ATG10: variants seen among roughly 807,000 people sequenced by gnomAD.
ATG10 encodes the protein ubiquitin-like-conjugating enzyme ATG10.
In ATG10, 30 loss-of-function variants were observed where a neutral mutation model predicts 32.1. That is an observed-to-expected ratio of 0.94 (90% CI 0.70 to 1.27). The LOEUF is 1.27. Among genes scored for constraint, ATG10 ranks in the 50% most tolerant of loss-of-function variants. The pLI is 0.00. For missense variants in ATG10, 233 were observed against 262.3 expected (o/e 0.89, Z 0.77); for synonymous variants, 87 against 91.5 (o/e 0.95, Z 0.28).
intron 3 of ATG10, among the ~76,000 whole-genome samples, chr5:82,153,114 T>C (rs1767669731): frequency 1.3e-5 from 2 of 152,236 alleles, no homozygotes; most frequent in African/African-American, 4.8e-5. Context: ...TCTTATATTC[T>C]TATAGCACTT....
intron 3 of ATG10, among the ~76,000 whole-genome samples, chr5:82,077,191 C>T (rs184173404): frequency 1.2e-3 from 190 of 152,236 alleles, no homozygotes; most frequent in African/African-American, 4.3e-3. Flanking sequence ...GGCATAGTGG[C>T]GTACGCCTGT....
At chr5:82,136,661 C>T (rs1766766857) in intron 3 of ATG10, among the ~76,000 whole-genome samples, 1 of 152,136 alleles carries the variant, frequency 6.6e-6, no homozygotes. Flanking sequence ...TCCTTCATTT[C>T]AGCCTTGGTG....
chr5:82,211,542 G>A (rs1745491696), intron 5 of ATG10, among the ~76,000 whole-genome samples: 1 of 151,992 alleles, frequency 6.6e-6, no homozygotes, highest in African/African-American at 2.4e-5. Flanking sequence ...CTCTTTCATT[G>A]AATATTTCTT....
At chr5:82,015,159 C>T (rs918751563) in intron 2 of ATG10, among the ~76,000 whole-genome samples, 1 of 151,964 alleles carries the variant, frequency 6.6e-6, no homozygotes, top group Non-Finnish European at 1.5e-5. Context: ...TTGGCCTCCA[C>T]TCTCTCCTGG....
At chr5:82,063,017 C>T (rs1347961190) in intron 3 of ATG10, among the ~76,000 whole-genome samples, 4 of 151,976 alleles carry the variant, frequency 2.6e-5, no homozygotes, top group Admixed American at 6.6e-5. Flanking sequence ...TTTAGTTTTT[C>T]ATTTTAAAAT....
chr5:82,066,902 A>G (rs1763959879), intron 3 of ATG10, among the ~76,000 whole-genome samples: 1 of 152,180 alleles, frequency 6.6e-6, no homozygotes, highest in Non-Finnish European at 1.5e-5. Context: ...TGAACTATAG[A>G]TGTATTGATA....
At chr5:82,046,313 A>G (rs2149734114) in intron 2 of ATG10, among the ~76,000 whole-genome samples, 1 of 152,356 alleles carries the variant, frequency 6.6e-6, no homozygotes, top group Admixed American at 6.5e-5. Context: ...ATGCTGGATT[A>G]GGGTGAGTCC....
At chr5:82,022,629 CTTT>C (rs34410757) in intron 2 of ATG10, among the ~76,000 whole-genome samples, 4 of 135,210 alleles carry the variant, frequency 3.0e-5, no homozygotes, top group Admixed American at 7.4e-5. Flanking sequence ...AGCCAGTACT[CTTT>C]TTTTTTTTTT....
chr5:82,056,047 A>G (rs1763584607), intron 2 of ATG10, among the ~76,000 whole-genome samples: 1 of 152,224 alleles, frequency 6.6e-6, no homozygotes, highest in Admixed American at 6.6e-5. Context: ...AGAATAGCCC[A>G]ATGACGTGTT....
chr5:82,107,006 AGTGTTCCTCTCTCTGGCTTCC>A (rs1765464322), intron 3 of ATG10, among the ~76,000 whole-genome samples: 2 of 152,062 alleles, frequency 1.3e-5, no homozygotes, highest in African/African-American at 2.4e-5. Context: ...AGTGTAACCA[AGTGTTCCTCTCTCTGGCTTCC>A]TGTTTTGGAA....
intron 1 of ATG10, among the ~76,000 whole-genome samples, chr5:81,978,959 G>C (rs1199181048): frequency 6.6e-6 from 1 of 151,994 alleles, no homozygotes; most frequent in Admixed American, 6.6e-5. Flanking sequence ...GAGTGCAGTG[G>C]CACAATCTTA....
intron 3 of ATG10, among the ~76,000 whole-genome samples, chr5:82,088,306 G>C (rs575752570): frequency 6.6e-6 from 1 of 152,074 alleles, no homozygotes; most frequent in African/African-American, 2.4e-5. Flanking sequence ...AACTATATTA[G>C]GTAATCAGTA....
intron 3 of ATG10, among the ~76,000 whole-genome samples, chr5:82,161,842 G>T (rs1049844000): frequency 6.6e-6 from 1 of 151,688 alleles, no homozygotes; most frequent in Non-Finnish European, 1.5e-5. Context: ...TTGGATTAAT[G>T]ATCTAAATTT....
chr5:81,973,696 A>T (rs1199776150), intron 1 of ATG10, among the ~76,000 whole-genome samples: 1 of 152,150 alleles, frequency 6.6e-6, no homozygotes, highest in Non-Finnish European at 1.5e-5. Flanking sequence ...ACATCTTAGG[A>T]CTCCAAGTAG....
intron 1 of ATG10, among the ~76,000 whole-genome samples, chr5:81,984,099 G>A (rs551576555): frequency 1.3e-5 from 2 of 152,246 alleles, no homozygotes; most frequent in African/African-American, 2.4e-5. Context: ...AGGCTGCAGC[G>A]AGCCGAGATC....
chr5:82,245,703 A>G (rs1010319058), intron 5 of ATG10, among the ~76,000 whole-genome samples: 1 of 152,212 alleles, frequency 6.6e-6, no homozygotes, highest in African/African-American at 2.4e-5. Context: ...TCATATGATC[A>G]TTATTGCATT....
intron 5 of ATG10, among the ~76,000 whole-genome samples, chr5:82,199,145 A>C (rs1263709773): frequency 1.3e-5 from 2 of 152,224 alleles, no homozygotes; most frequent in African/African-American, 2.4e-5. Context: ...TATTAAAAGA[A>C]AACAAGGTAA....
chr5:82,152,155 A>C (rs1340943606), intron 3 of ATG10, among the ~76,000 whole-genome samples: 1 of 152,186 alleles, frequency 6.6e-6, no homozygotes, highest in East Asian at 1.9e-4. Context: ...GTAGCATTTT[A>C]TTTTCTGAAT....
chr5:82,081,293 G>T (rs1581669261), intron 3 of ATG10, among the ~76,000 whole-genome samples: 1 of 152,322 alleles, frequency 6.6e-6, no homozygotes, highest in East Asian at 1.9e-4. Context: ...ATACAATCAT[G>T]TTATCTGCAA....
Sources: gnomAD v4.1 joint callset for allele counts (sites outside exome capture counted in the v4.1 genomes callset) on GRCh38, gnomAD v4.1.1 for gene constraint, MANE v1.5 for transcripts, NCBI Gene and HGNC (gene_info 2026-07-23, HGNC 2026-07-21) for gene names.